Variants in CNTNAP5 observed in about 807,000 individuals in gnomAD.
The protein encoded by CNTNAP5 is contactin-associated protein-like 5.
Under a neutral mutation model 150.2 loss-of-function variants are expected in CNTNAP5, and 72 were observed. That is an observed-to-expected ratio of 0.48 (90% CI 0.40 to 0.58). The LOEUF (loss-of-function observed/expected upper bound fraction) is 0.58, where lower values mean the gene tolerates loss of function less well. Ranked by LOEUF, CNTNAP5 falls within the 20% of genes least tolerant of loss-of-function variation. CNTNAP5 has a pLI of 0.00. For synonymous variants in CNTNAP5, 672 were observed against 619.8 expected (o/e 1.08, Z -1.25); for missense variants, 1,636 against 1,626.2 (o/e 1.01, Z -0.10).
At chr2:124,216,755 T>A (rs1275262406) in intron 1 of CNTNAP5, among the ~76,000 whole-genome samples, 1 of 152,192 alleles carries the variant, frequency 6.6e-6, no homozygotes, top group South Asian at 2.1e-4. Context: ...TTCCATGGTG[T>A]ATATGTGCCA....
intron 12 of CNTNAP5, among the ~76,000 whole-genome samples, chr2:124,616,773 T>C (rs1677500983): frequency 6.6e-6 from 1 of 152,102 alleles, no homozygotes; most frequent in Non-Finnish European, 1.5e-5. Context: ...GGGGTTACTA[T>C]TTGGCCTAAT....
chr2:124,385,028 C>A (rs1474912426), intron 3 of CNTNAP5, among the ~76,000 whole-genome samples: 2 of 152,190 alleles, frequency 1.3e-5, no homozygotes, highest in African/African-American at 4.8e-5. Flanking sequence ...AGGCACTTAG[C>A]AAGTGATGGG....
chr2:124,147,976 G>A (rs1254890709), intron 1 of CNTNAP5, among the ~76,000 whole-genome samples: 2 of 152,182 alleles, frequency 1.3e-5, no homozygotes, highest in African/African-American at 4.8e-5. Context: ...CATGTGGGAG[G>A]TTTAATAAAT....
chr2:124,247,378 G>A (rs941462411), intron 3 of CNTNAP5, among the ~76,000 whole-genome samples: 2 of 151,390 alleles, frequency 1.3e-5, no homozygotes, highest in African/African-American at 4.8e-5. Flanking sequence ...GAACCATTAA[G>A]GAGACAAATC....
At chr2:124,034,347 C>T (rs1253382975) in intron 1 of CNTNAP5, among the ~76,000 whole-genome samples, 1 of 152,132 alleles carries the variant, frequency 6.6e-6, no homozygotes, top group Non-Finnish European at 1.5e-5. Flanking sequence ...AGGGCAAGGA[C>T]AGCTACATTT....
intron 17 of CNTNAP5, among the ~76,000 whole-genome samples, chr2:124,774,979 T>A (rs757384480): frequency 2.6e-5 from 4 of 152,170 alleles, no homozygotes; most frequent in Non-Finnish European, 5.9e-5. Flanking sequence ...CTGGAGGAGA[T>A]ATCTTGCTGG....
At chr2:124,296,915 T>C (rs60857771) in intron 3 of CNTNAP5, among the ~76,000 whole-genome samples, 21,449 of 152,192 alleles carry the variant, frequency 0.14, 2,068 homozygotes, top group South Asian at 0.26. Flanking sequence ...GCAGCCGTTC[T>C]GCAATCCTGT....
intron 1 of CNTNAP5, among the ~76,000 whole-genome samples, chr2:124,086,007 C>A (rs1682679697): frequency 6.6e-6 from 1 of 152,052 alleles, no homozygotes; most frequent in Admixed American, 6.6e-5. Flanking sequence ...GTGTTGAGTT[C>A]TTCTGTAAAC....
chr2:124,211,424 T>C (rs915806511), intron 1 of CNTNAP5, among the ~76,000 whole-genome samples: 2 of 152,062 alleles, frequency 1.3e-5, no homozygotes, highest in African/African-American at 4.8e-5. Flanking sequence ...TTAATTAACT[T>C]CCCAAAGGAC....
chr2:124,632,903 G>A (rs546487339), intron 12 of CNTNAP5, among the ~76,000 whole-genome samples: 5 of 152,202 alleles, frequency 3.3e-5, no homozygotes, highest in Non-Finnish European at 7.4e-5. Flanking sequence ...AAAGCTGGGG[G>A]AAGAGAGGCA....
At chr2:124,493,123 T>C (rs1348234434) in intron 7 of CNTNAP5, among the ~76,000 whole-genome samples, 6 of 152,068 alleles carry the variant, frequency 3.9e-5, no homozygotes, top group Non-Finnish European at 7.4e-5. Context: ...TTATATAGCC[T>C]TTACTATGTT....
At chr2:124,106,781 G>A (rs1683180711) in intron 1 of CNTNAP5, among the ~76,000 whole-genome samples, 1 of 152,200 alleles carries the variant, frequency 6.6e-6, no homozygotes, top group African/African-American at 2.4e-5. Context: ...AGTCAGAATT[G>A]CTAGTGACAA....
At chr2:124,245,412 C>A (rs1341668213) in intron 3 of CNTNAP5, among the ~76,000 whole-genome samples, 1 of 151,912 alleles carries the variant, frequency 6.6e-6, no homozygotes. Flanking sequence ...ACTCTGGGTC[C>A]ACCAAAACTA....
intron 1 of CNTNAP5, among the ~76,000 whole-genome samples, chr2:124,040,260 G>A (rs17010743): frequency 0.12 from 17,919 of 151,846 alleles, 1,156 homozygotes; most frequent in East Asian, 0.29. Context: ...AAATGTATTC[G>A]GCTTGACATT....
At chr2:124,079,716 C>A (rs573375591) in intron 1 of CNTNAP5, among the ~76,000 whole-genome samples, 6 of 151,994 alleles carry the variant, frequency 3.9e-5, no homozygotes, top group African/African-American at 1.2e-4. Flanking sequence ...TATGAGCATG[C>A]GTGTGTATGT....
chr2:124,183,301 G>A (rs764437969), intron 1 of CNTNAP5, among the ~76,000 whole-genome samples: 1 of 152,178 alleles, frequency 6.6e-6, no homozygotes, highest in Admixed American at 6.5e-5. Flanking sequence ...TCATGTTATA[G>A]TGTTAGCTCC....
At chr2:124,802,303 G>A (rs1681987080) in intron 19 of CNTNAP5, among the ~76,000 whole-genome samples, 1 of 152,174 alleles carries the variant, frequency 6.6e-6, no homozygotes. Flanking sequence ...GTCTCTCCCT[G>A]GCAGGGGTTT....
intron 13 of CNTNAP5, among the ~76,000 whole-genome samples, chr2:124,717,234 T>C (rs1679963099): frequency 6.6e-6 from 1 of 152,060 alleles, no homozygotes. Flanking sequence ...GTAGGCTGTG[T>C]TGGGCCATGA....
intron 3 of CNTNAP5, among the ~76,000 whole-genome samples, chr2:124,415,729 T>A (rs1198856114): frequency 1.3e-5 from 2 of 152,178 alleles, no homozygotes; most frequent in African/African-American, 4.8e-5. Flanking sequence ...GAGGTATGAT[T>A]GGGATGATGA....
Sources: gnomAD v4.1 joint callset for allele counts (sites outside exome capture counted in the v4.1 genomes callset) on GRCh38, gnomAD v4.1.1 for gene constraint, MANE v1.5 for transcripts, NCBI Gene and HGNC (gene_info 2026-07-23, HGNC 2026-07-21) for gene names.